B3GALT1: variants seen among roughly 807,000 people sequenced by gnomAD.
The protein encoded by B3GALT1 is UDP-Gal:betaGlcNAc beta 1,3-galactosyltransferase, polypeptide 1.
In B3GALT1, 10 loss-of-function variants were observed where a neutral mutation model predicts 23.2. The ratio of observed to expected loss-of-function variants is 0.43; its 90% CI spans 0.27 to 0.73. B3GALT1 has a LOEUF of 0.73. Among genes scored for constraint, B3GALT1 ranks in the 30% least tolerant of loss-of-function variants. The probability of loss-of-function intolerance (pLI) is 0.21; values close to 1 mark genes in which losing one functional copy is unlikely to be tolerated. For missense variants in B3GALT1, 299 were observed against 405.4 expected, an observed-to-expected ratio of 0.74 and a Z score of 2.25; for synonymous variants, 156 against 141.5, an observed-to-expected ratio of 1.10 and a Z score of -0.73.
chr2:167,562,632 C>A lies in B3GALT1; in HGVS notation c.-410+72355C>A, dbSNP rs533752401. ...AGTCTCAGGATACAAAATCAATGTACAAAAATCACAAGCATTCTTTTTTTT... is the reference window on the plus strand; with the variant it reads ...AGTCTCAGGATACAAAATCAATGTAAAAAAATCACAAGCATTCTTTTTTTT... On this transcript the variant is annotated intron_variant, in intron 2 of 4. Coordinates refer to ENST00000392690, the MANE Select transcript of B3GALT1 (RefSeq NM_020981.4). Among the ~76,000 whole-genome samples the A allele has an allele frequency of 2.7e-5, 4 of 146,254 alleles. No homozygotes were observed. The East Asian group carries it at 8.3e-4, about 30-fold the overall frequency.
intron 1 of B3GALT1, among the ~76,000 whole-genome samples, chr2:167,361,495 A>G (rs1364616211): frequency 6.6e-6 from 1 of 152,254 alleles, no homozygotes; most frequent in African/African-American, 2.4e-5. Context: ...TAAGATGCAA[A>G]CAAAACAGAT....
At chr2:167,452,232 C>T (rs569821849) in intron 1 of B3GALT1, among the ~76,000 whole-genome samples, 3 of 152,200 alleles carry the variant, frequency 2.0e-5, no homozygotes, top group Admixed American at 6.5e-5. Context: ...TACATTCTGT[C>T]AAAATTGTTA....
At chr2:167,561,835 G>C (rs1230621745) in intron 2 of B3GALT1, among the ~76,000 whole-genome samples, 2 of 152,144 alleles carry the variant, frequency 1.3e-5, no homozygotes, top group Non-Finnish European at 2.9e-5. Flanking sequence ...ACCAAGAAGA[G>C]TCCAGGACCA....
chr2:167,619,584 G>A (rs939298121), intron 2 of B3GALT1, among the ~76,000 whole-genome samples: 2 of 151,946 alleles, frequency 1.3e-5, no homozygotes, highest in Non-Finnish European at 2.9e-5. Flanking sequence ...AAAGCATGAA[G>A]GTTAACAAAC....
At chr2:167,299,995 C>T (rs1318619493) in intron 1 of B3GALT1, among the ~76,000 whole-genome samples, 9 of 151,986 alleles carry the variant, frequency 5.9e-5, no homozygotes, top group African/African-American at 1.7e-4. Flanking sequence ...CTCTTCCTCC[C>T]GGGTTCAAGC....
intron 1 of B3GALT1, among the ~76,000 whole-genome samples, chr2:167,387,570 T>C (rs770969915): frequency 6.6e-6 from 1 of 152,224 alleles, no homozygotes; most frequent in Non-Finnish European, 1.5e-5. Context: ...CTTCTTACTT[T>C]AGTAACCACT....
At chr2:167,666,387 G>C (rs1686188618) in intron 3 of B3GALT1, among the ~76,000 whole-genome samples, 2 of 152,068 alleles carry the variant, frequency 1.3e-5, no homozygotes, top group Non-Finnish European at 2.9e-5. Context: ...GTCAATTTTG[G>C]AATAGGTGTG....
intron 3 of B3GALT1, among the ~76,000 whole-genome samples, chr2:167,653,238 G>A (rs1046735305): frequency 5.0e-4 from 76 of 152,258 alleles, no homozygotes; most frequent in African/African-American, 1.8e-3. Context: ...AGTACAAAAA[G>A]GTCTGAAGAA....
chr2:167,508,536 G>A lies in B3GALT1; in HGVS notation c.-410+18259G>A, dbSNP rs1363774278. Among the ~76,000 whole-genome samples, 3 of 152,152 alleles carry A rather than the reference G, an allele frequency of 2.0e-5. No individual in the cohort carries two copies. In the East Asian group the frequency reaches 5.8e-4, roughly 29 times the overall value. On this transcript the variant is annotated intron_variant, in intron 2 of 4. Transcript: ENST00000392690. Reference sequence around the variant, plus strand: ...CCCTCCCAAAGTGCTGGGATTACAGGCGTGAGCCACTGCACCTGACCCAGA... The same window carrying A: ...CCCTCCCAAAGTGCTGGGATTACAGACGTGAGCCACTGCACCTGACCCAGA...
intron 2 of B3GALT1, among the ~76,000 whole-genome samples, chr2:167,520,202 A>T (rs1482066257): frequency 6.6e-6 from 1 of 152,228 alleles, no homozygotes; most frequent in African/African-American, 2.4e-5. Flanking sequence ...TAAAGCAATG[A>T]TACCAGCATT....
chr2:167,764,508 C>T (rs1420180331), intron 3 of B3GALT1, among the ~76,000 whole-genome samples: 2 of 152,084 alleles, frequency 1.3e-5, no homozygotes, highest in Admixed American at 6.6e-5. Context: ...TAATAAAGGT[C>T]TAAATTAGAT....
intron 1 of B3GALT1, among the ~76,000 whole-genome samples, chr2:167,343,517 C>A (rs544508118): frequency 2.0e-4 from 30 of 152,220 alleles, no homozygotes; most frequent in South Asian, 1.7e-3. Context: ...TCAGAAGGAA[C>A]CAGGCTTTTT....
intron 2 of B3GALT1, among the ~76,000 whole-genome samples, chr2:167,516,846 T>C (rs1351542909): frequency 6.6e-6 from 1 of 151,898 alleles, no homozygotes; most frequent in African/African-American, 2.4e-5. Context: ...TTGTCTCTCT[T>C]TATTACTTCT....
intron 3 of B3GALT1, among the ~76,000 whole-genome samples, chr2:167,768,782 C>T (rs1688019360): frequency 6.6e-6 from 1 of 152,118 alleles, no homozygotes; most frequent in South Asian, 2.1e-4. Context: ...CTTAAGGTTG[C>T]CTAAAGTGTA....
chr2:167,517,099 A>G (rs1275287846), intron 2 of B3GALT1, among the ~76,000 whole-genome samples: 1 of 151,980 alleles, frequency 6.6e-6, no homozygotes, highest in Non-Finnish European at 1.5e-5. Flanking sequence ...GTGTATACAT[A>G]TATTAAATAT....
At chr2:167,307,785 A>G (rs1696572583) in intron 1 of B3GALT1, among the ~76,000 whole-genome samples, 2 of 151,858 alleles carry the variant, frequency 1.3e-5, no homozygotes. Flanking sequence ...AAATTCAGAG[A>G]TTTCACTCTC....
At chr2:167,512,582 ATATATATATGTG>A (rs1558887760) in intron 2 of B3GALT1, among the ~76,000 whole-genome samples, 5 of 75,346 alleles carry the variant, frequency 6.6e-5, no homozygotes, top group South Asian at 4.8e-4. Context: ...ATATATATGT[ATATATATATGTG>A]TATATATATA....
intron 2 of B3GALT1, among the ~76,000 whole-genome samples, chr2:167,597,323 A>G (rs1322809851): frequency 6.6e-6 from 1 of 151,696 alleles, no homozygotes; most frequent in Non-Finnish European, 1.5e-5. Context: ...CACCGTGTTA[A>G]ACAAGATAGT....
intron 2 of B3GALT1, among the ~76,000 whole-genome samples, chr2:167,563,896 C>CGG (rs1684083722): frequency 3.8e-4 from 1 of 2,600 alleles, no homozygotes; most frequent in South Asian, 0.011. Flanking sequence ...GGCGGCCGGC[C>CGG]GGGCGGGGCC....
Sources: gnomAD v4.1 joint callset for allele counts (sites outside exome capture counted in the v4.1 genomes callset) on GRCh38, gnomAD v4.1.1 for gene constraint, MANE v1.5 for transcripts, NCBI Gene and HGNC (gene_info 2026-07-23, HGNC 2026-07-21) for gene names.